The following S100PBP variants were observed in gnomAD, a reference collection of about 807,000 sequenced individuals.
The protein encoded by S100PBP is S100P-binding protein.
Under a neutral mutation model 39.9 loss-of-function variants are expected in S100PBP, and 15 were observed. That is an observed-to-expected ratio of 0.38 (90% CI 0.25 to 0.58). The LOEUF is 0.58. Ranked by LOEUF, S100PBP falls within the 20% of genes least tolerant of loss-of-function variation. The pLI is 0.70. For missense variants in S100PBP, 504 were observed against 487.3 expected, an observed-to-expected ratio of 1.03 and a Z score of -0.32; for synonymous variants, 178 against 180.3, an observed-to-expected ratio of 0.99 and a Z score of 0.10.
intron 5 of S100PBP, among the ~76,000 whole-genome samples, chr1:32,842,232 TATATACAC>T (rs1484398367): frequency 2.5e-4 from 20 of 80,756 alleles, no homozygotes; most frequent in African/African-American, 6.7e-4. Flanking sequence ...TATATATATA[TATATACAC>T]ACACACACAC....
At chr1:32,837,585 A>T (rs1462963364) in intron 5 of S100PBP, among the ~76,000 whole-genome samples, 2 of 147,782 alleles carry the variant, frequency 1.4e-5, no homozygotes, top group African/African-American at 5.0e-5. Flanking sequence ...AAAAAAAAAG[A>T]TAATAAGCAT....
rs267598555 is a variant in S100PBP, at chr1:32,853,107, G to T, written c.1053G>T (p.Met351Ile). Residue 351 changes from methionine to isoleucine, a missense_variant, in exon 6 of 7, where the codon ATG becomes ATT. Met to Ile is a conservative substitution (Grantham distance 10, BLOSUM62 1). Coordinates refer to ENST00000373475, the MANE Select transcript of S100PBP (RefSeq NM_022753.4). ...QGISGELCAL[M>I]DQVHHMQHSK... ...TCTCGGGGGAGCTTTGTGCCTTGAT[G>T]GATCAAGTTCATCATATGCAGCACT... 6.2e-7 allele frequency: 1 copy of T among 1,613,048 alleles called. No individual in the cohort carries two copies. Among genetic ancestry groups the T allele is most frequent in the Non-Finnish European group, 8.5e-7 (1 of 1,179,722 alleles).
intron 5 of S100PBP, among the ~76,000 whole-genome samples, chr1:32,847,938 T>C (rs1482699065): frequency 2.6e-5 from 4 of 152,156 alleles, no homozygotes; most frequent in African/African-American, 9.7e-5. Flanking sequence ...CAGGAAAAGA[T>C]GATTAGATGA....
At chr1:32,849,558 T>C (rs1156267278) in intron 5 of S100PBP, among the ~76,000 whole-genome samples, 1 of 152,236 alleles carries the variant, frequency 6.6e-6, no homozygotes, top group Non-Finnish European at 1.5e-5. Context: ...AAATGTTAGC[T>C]CCCATTATCT....
intron 5 of S100PBP, among the ~76,000 whole-genome samples, chr1:32,848,711 A>G (rs1640486895): frequency 6.6e-6 from 1 of 152,198 alleles, no homozygotes; most frequent in Non-Finnish European, 1.5e-5. Context: ...CTCCATTATG[A>G]TATAAAAATT....
intron 5 of S100PBP, among the ~76,000 whole-genome samples, chr1:32,845,283 TAGAG>T (rs1640315154): frequency 6.6e-6 from 1 of 152,016 alleles, no homozygotes; most frequent in Non-Finnish European, 1.5e-5. Context: ...TTTTAAAAAA[TAGAG>T]ACAGTAGCCG....
At chr1:32,846,404 C>G (rs907275674) in intron 5 of S100PBP, among the ~76,000 whole-genome samples, 3 of 150,250 alleles carry the variant, frequency 2.0e-5, no homozygotes, top group Admixed American at 6.6e-5. Flanking sequence ...TTAATTGGAG[C>G]ATTAATCCAT....
intron 5 of S100PBP, among the ~76,000 whole-genome samples, chr1:32,845,495 T>C (rs1460026076): frequency 6.6e-6 from 1 of 152,040 alleles, no homozygotes; most frequent in African/African-American, 2.4e-5. Context: ...TCTCGAACTC[T>C]TGGCCTCCCA....
At chr1:32,832,301 G>A (rs1015661983) in intron 5 of S100PBP, among the ~76,000 whole-genome samples, 8 of 151,850 alleles carry the variant, frequency 5.3e-5, no homozygotes, top group African/African-American at 1.7e-4. Flanking sequence ...AGGTAAAATA[G>A]CGTTATATCT....
intron 1 of S100PBP, among the ~76,000 whole-genome samples, chr1:32,824,073 C>T (rs1394238980): frequency 6.6e-6 from 1 of 152,282 alleles, no homozygotes; most frequent in South Asian, 2.1e-4. Context: ...TGGCGGTCAC[C>T]TGTAGTCCCA....
At chr1:32,817,818 T>G (rs1213315811) in intron 1 of S100PBP, 129 bp downstream of exon 1, 1 of 163,210 alleles carries the variant, frequency 6.1e-6, no homozygotes, top group Non-Finnish European at 1.4e-5. Flanking sequence ...CACGCCCTGC[T>G]GCGAGAAGGG....
rs778827773 is a variant in S100PBP at position 32,856,087 on chromosome 1, G to A, written c.*49G>A. ...AAGGTCCCTATCCAGGGTCCTGCTT[G>A]GAGCAGCATTTCATGTTCTTTTGCT... On this transcript the variant is annotated 3_prime_UTR_variant, in exon 7 of 7. Coordinates refer to ENST00000373475, the MANE Select transcript of S100PBP (RefSeq NM_022753.4). 2.5e-6 allele frequency: 3 copies of A among 1,180,804 alleles called. No individual in the cohort carries two copies. Among genetic ancestry groups the A allele is most frequent in the Non-Finnish European group, 3.8e-6 (3 of 798,722 alleles). The allele number at this position is 1,180,804 out of a possible 1,614,324, so 73.1% of individuals were successfully genotyped here. A position where few individuals can be genotyped will look rare whatever the true frequency, so the allele number is the denominator to read the frequency against.
intron 3 of S100PBP, 105 bp downstream of exon 3, chr1:32,827,035 C>T: frequency 1.3e-6 from 1 of 748,796 alleles, no homozygotes; most frequent in Non-Finnish European, 2.1e-6. Flanking sequence ...CACAACTTCC[C>T]CTGCTGTGGG....
chr1:32,819,764 CATTAAATACCATGTTT>C (rs901755315), intron 1 of S100PBP, among the ~76,000 whole-genome samples: 6 of 152,108 alleles, frequency 3.9e-5, no homozygotes, highest in Non-Finnish European at 5.9e-5. Context: ...CTTGCACATT[CATTAAATACCATGTTT>C]TTTTAGTATA....
At chr1:32,824,760 C>T (rs1379937550) in intron 1 of S100PBP, 1 of 149,244 alleles carries the variant, frequency 6.7e-6, no homozygotes, top group African/African-American at 2.5e-5. Context: ...GACAGCATTT[C>T]ACGTTGTGCC....
At chr1:32,824,671 T>C (rs10914622) in intron 1 of S100PBP, among the ~76,000 whole-genome samples, 20,756 of 151,650 alleles carry the variant, frequency 0.14, 1,765 homozygotes, top group South Asian at 0.23. Flanking sequence ...CAAGTGATCC[T>C]CTCACCTCAG....
rs909680412 is a variant in S100PBP, at chr1:32,822,062, TA to T, written c.-119-3242del. ...TTGGATACTGATTATTTTTTAGCCT[TA>T]AAAAAAAATATGACATAAGATAATT... On this transcript the variant is annotated intron_variant, in intron 1 of 6. Transcript: ENST00000373475. Among the ~76,000 whole-genome samples the T allele has an allele frequency of 1.1e-4, 17 of 151,236 alleles. No homozygotes were observed. In the East Asian group the frequency reaches 1.9e-3, roughly 17 times the overall value.
chr1:32,827,693 A>T (rs1224486976), intron 3 of S100PBP, among the ~76,000 whole-genome samples: 1 of 149,620 alleles, frequency 6.7e-6, no homozygotes, highest in East Asian at 2.0e-4. Flanking sequence ...GTTGGCCAGG[A>T]TGGTCTCGAA....
intron 5 of S100PBP, among the ~76,000 whole-genome samples, chr1:32,839,516 T>A (rs1639992715): frequency 1.3e-5 from 2 of 152,218 alleles, no homozygotes. Context: ...TGCTAGATCA[T>A]ATGCTAATTC....
Sources: allele counts gnomAD v4.1 joint callset (sites outside exome capture counted in the v4.1 genomes callset), GRCh38; gene constraint gnomAD v4.1.1; transcripts MANE v1.5; gene names NCBI Gene and HGNC (gene_info 2026-07-23, HGNC 2026-07-21).